GRAMD4: variants seen among roughly 807,000 people sequenced by gnomAD.
GRAMD4 encodes GRAM domain containing 4.
Under a neutral mutation model 83.9 loss-of-function variants are expected in GRAMD4, and 25 were observed. That is an observed-to-expected ratio of 0.30 (90% CI 0.22 to 0.42). The LOEUF is 0.42. Ranked by LOEUF, GRAMD4 falls within the 10% of genes least tolerant of loss-of-function variation. The pLI is 1.00. For synonymous variants in GRAMD4, 336 were observed against 320.9 expected (o/e 1.05, Z -0.50); for missense variants, 593 against 788.7 (o/e 0.75, Z 2.97).
intron 3 of GRAMD4, among the ~76,000 whole-genome samples, chr22:46,650,359 G>A (rs1187903956): frequency 7.8e-6 from 1 of 128,006 alleles, no homozygotes; most frequent in Non-Finnish European, 1.7e-5. Context: ...GGAGGGCTGC[G>A]TGTCGAGGCT....
intron 1 of GRAMD4, among the ~76,000 whole-genome samples, chr22:46,609,856 G>A (rs1205032495): frequency 6.6e-6 from 1 of 152,240 alleles, no homozygotes; most frequent in Non-Finnish European, 1.5e-5. Flanking sequence ...TGGGCAGTAA[G>A]AGGCGCCTCT....
intron 1 of GRAMD4, among the ~76,000 whole-genome samples, chr22:46,601,322 G>A (rs761615714): frequency 6.6e-6 from 1 of 151,964 alleles, no homozygotes; most frequent in Non-Finnish European, 1.5e-5. Flanking sequence ...CAGCATTTTA[G>A]GATTATCACT....
intron 1 of GRAMD4, among the ~76,000 whole-genome samples, chr22:46,623,686 A>G (rs544133721): frequency 1.1e-4 from 16 of 151,838 alleles, no homozygotes; most frequent in South Asian, 8.3e-4. Context: ...ATGAGCCACC[A>G]TGCCCGGCCT....
At chr22:46,630,101 T>G (rs926115485) in intron 2 of GRAMD4, among the ~76,000 whole-genome samples, 1 of 151,450 alleles carries the variant, frequency 6.6e-6, no homozygotes, top group Non-Finnish European at 1.5e-5. Context: ...CTCGGCTCAC[T>G]GCAACCTCCA....
At chr22:46,667,225 T>C (rs2082423817) in intron 10 of GRAMD4, among the ~76,000 whole-genome samples, 1 of 152,110 alleles carries the variant, frequency 6.6e-6, no homozygotes, top group East Asian at 1.9e-4. Flanking sequence ...AACAGTAGGC[T>C]GGACAAGTGG....
At chr22:46,636,597 C>T (rs2081892148) in intron 2 of GRAMD4, among the ~76,000 whole-genome samples, 4 of 152,366 alleles carry the variant, frequency 2.6e-5, no homozygotes, top group Admixed American at 6.5e-5. Context: ...AAGCCGCACA[C>T]CTGTTACCTG....
At chr22:46,652,982 GATC>G (rs1299415168) in intron 3 of GRAMD4, among the ~76,000 whole-genome samples, 1 of 152,228 alleles carries the variant, frequency 6.6e-6, no homozygotes, top group Non-Finnish European at 1.5e-5. Flanking sequence ...TGGGGCGTGT[GATC>G]ATCATTTCAG....
At chr22:46,582,684 T>G (rs1021158583) in intron 1 of GRAMD4, among the ~76,000 whole-genome samples, 3 of 152,118 alleles carry the variant, frequency 2.0e-5, no homozygotes, top group African/African-American at 7.2e-5. Context: ...ATTTGTTTGT[T>G]CCTCACTCTT....
At chr22:46,604,829 T>C (rs201666979) in intron 1 of GRAMD4, among the ~76,000 whole-genome samples, 21 of 140,758 alleles carry the variant, frequency 1.5e-4, no homozygotes, top group South Asian at 2.3e-4. Context: ...TAATGTTCTC[T>C]GGGTTCACCC....
chr22:46,634,669 G>A (rs763626765), intron 2 of GRAMD4, among the ~76,000 whole-genome samples: 1 of 152,202 alleles, frequency 6.6e-6, no homozygotes, highest in African/African-American at 2.4e-5. Flanking sequence ...GGCTGGGCAC[G>A]GTGACTCATG....
chr22:46,586,271 T>G (rs1602293017), intron 1 of GRAMD4, among the ~76,000 whole-genome samples: 1 of 152,140 alleles, frequency 6.6e-6, no homozygotes, highest in African/African-American at 2.4e-5. Context: ...CCCTGGCTCC[T>G]CCCCACCGCC....
In GRAMD4 at chr22:46,677,302, C is replaced by CTTTTTTTTTTTTT; in HGVS notation, c.*52_*64dup. Reference sequence around the variant, plus strand: ...GAATTTTCTTTTTCTTTTTCTTTTTCTTTTTTTTTTTTTACGATTTGGTAG... The same window carrying CTTTTTTTTTTTTT: ...GAATTTTCTTTTTCTTTTTCTTTTTCTTTTTTTTTTTTTTTTTTTTTTTTTTACGATTTGGTAG... On this transcript the variant is annotated 3_prime_UTR_variant, in exon 19 of 19. Transcript: ENST00000406902. 1 of 1,340,596 alleles carries CTTTTTTTTTTTTT rather than the reference C, an allele frequency of 7.5e-7. No individual in the cohort carries two copies. Among genetic ancestry groups the CTTTTTTTTTTTTT allele is most frequent in the East Asian group, 2.6e-5 (1 of 38,506 alleles). 83.0% of individuals were successfully genotyped at this position (1,340,596 alleles called of 1,614,324 possible).
rs764251840 is a variant in GRAMD4, at chr22:46,626,898, C to T, written c.99C>T (p.Ser33=). The change falls in exon 2 of 19, where the codon AGC becomes AGT. Residue 33 remains serine, a synonymous_variant. Coordinates refer to ENST00000406902, the MANE Select transcript of GRAMD4 (RefSeq NM_015124.5). ...ESPNASDTEC[S]DEIPLKVPRT... ...CAAATGCCTCGGACACCGAATGCAGCGACGAAATCCCCCTGAAGGTACCGC... is the reference window on the plus strand; with the variant it reads ...CAAATGCCTCGGACACCGAATGCAGTGACGAAATCCCCCTGAAGGTACCGC... 1.6e-5 allele frequency: 26 copies of T among 1,614,008 alleles called. No individual in the cohort carries two copies. The highest frequency in any genetic ancestry group is 1.0e-4 in the Admixed American group (6 of 59,996).
upstream of GRAMD4, among the ~76,000 whole-genome samples, chr22:46,617,986 A>C (rs1019914994): frequency 1.3e-5 from 2 of 152,326 alleles, no homozygotes; most frequent in African/African-American, 4.8e-5. Context: ...CCCAAGGCAG[A>C]GTCCATGGGT....
At chr22:46,676,220 C>G (rs945212507) in intron 17 of GRAMD4, among the ~76,000 whole-genome samples, 4 of 152,220 alleles carry the variant, frequency 2.6e-5, no homozygotes, top group Admixed American at 6.5e-5. Flanking sequence ...GGGGTGAGTT[C>G]AGGGCTGGGG....
Position 46,666,548 on chromosome 22 carries a change from G to T in GRAMD4, c.810-277G>T, listed in dbSNP as rs564285609. 3.3e-5 allele frequency among the ~76,000 whole-genome samples: 5 copies of T among 152,162 alleles called. No homozygotes were observed. The South Asian group carries it at 1.0e-3, about 32-fold the overall frequency. ...TTGGACACTTGCTGATGCCACTTTG[G>T]ATGTTGAAGGGCCGCCCTCTCCCAC... On this transcript the variant is annotated intron_variant, in intron 9 of 18. Coordinates refer to ENST00000406902, the MANE Select transcript of GRAMD4 (RefSeq NM_015124.5).
At chr22:46,576,978 C>G (rs2147878204), upstream of GRAMD4, among the ~76,000 whole-genome samples, 1 of 145,692 alleles carries the variant, frequency 6.9e-6, no homozygotes, top group African/African-American at 2.5e-5. Context: ...CCGCGGACCC[C>G]CGAGCCGGCC....
chr22:46,680,889 C>CCCAT (rs1205121084), downstream of GRAMD4, among the ~76,000 whole-genome samples: 41 of 106,764 alleles, frequency 3.8e-4, no homozygotes, highest in Middle Eastern at 6.3e-3. Context: ...CATCTACCTA[C>CCCAT]CCATCCATCC....
In GRAMD4 at chr22:46,588,102, G is replaced by A. The variant is rs182458610; in HGVS notation, c.-50+10812G>A. On this transcript the variant is annotated intron_variant, in intron 1 of 1. Coordinates refer to the GRAMD4 transcript ENST00000431155. ...GGTGGAGCCCCATGGAGCCGCCTTC[G>A]GGGGCTCTGTCCCAGAGTCTCTCTC... Among the ~76,000 whole-genome samples, 11 of 152,092 alleles carry A rather than the reference G, an allele frequency of 7.2e-5. No individual in the cohort carries two copies. In the East Asian group the frequency reaches 1.6e-3, roughly 22 times the overall value.
Sources: allele counts gnomAD v4.1 joint callset (sites outside exome capture counted in the v4.1 genomes callset), GRCh38; gene constraint gnomAD v4.1.1; transcripts MANE v1.5; gene names NCBI Gene and HGNC (gene_info 2026-07-23, HGNC 2026-07-21).